RBFOX1: variants seen among roughly 807,000 people sequenced by gnomAD.
RBFOX1 encodes the protein RNA binding fox-1 homolog 1.
In RBFOX1, 8 loss-of-function variants were observed where a neutral mutation model predicts 57.7. That is an observed-to-expected ratio of 0.14 (90% CI 0.08 to 0.25). The LOEUF is 0.25. Among genes scored for constraint, RBFOX1 ranks in the 10% least tolerant of loss-of-function variants. The pLI is 1.00. For missense variants in RBFOX1, 611 were observed against 548.5 expected (o/e 1.11, Z -1.14); for synonymous variants, 326 against 222.4 (o/e 1.47, Z -4.15).
intron 2 of RBFOX1, among the ~76,000 whole-genome samples, chr16:6,617,527 G>C (rs1274224805): frequency 2.0e-5 from 3 of 152,080 alleles, no homozygotes; most frequent in Non-Finnish European, 4.4e-5. Flanking sequence ...ACCCTATAGA[G>C]ATGAGATCAA....
At chr16:6,163,735 G>A (rs577439423) in intron 1 of RBFOX1, among the ~76,000 whole-genome samples, 15 of 152,242 alleles carry the variant, frequency 9.9e-5, no homozygotes, top group Admixed American at 4.6e-4. Flanking sequence ...AAAAATGCCA[G>A]GTCAGTCTGA....
At chr16:7,387,114 C>G (rs2097897360) in intron 4 of RBFOX1, among the ~76,000 whole-genome samples, 1 of 152,038 alleles carries the variant, frequency 6.6e-6, no homozygotes, top group African/African-American at 2.4e-5. Flanking sequence ...TTTGTAGATT[C>G]TGGATATTAG....
At chr16:7,390,025 T>A (rs911479481) in intron 4 of RBFOX1, among the ~76,000 whole-genome samples, 1 of 152,096 alleles carries the variant, frequency 6.6e-6, no homozygotes, top group African/African-American at 2.4e-5. Flanking sequence ...AGGAAACTTA[T>A]AATCATGGCA....
intron 3 of RBFOX1, among the ~76,000 whole-genome samples, chr16:6,990,018 A>G (rs1234754218): frequency 6.6e-6 from 1 of 152,152 alleles, no homozygotes; most frequent in Non-Finnish European, 1.5e-5. Context: ...AAAACTGAGA[A>G]AATGTCTGCA....
intron 2 of RBFOX1, among the ~76,000 whole-genome samples, chr16:6,625,102 T>G (rs958131266): frequency 1.4e-4 from 19 of 137,118 alleles, no homozygotes; most frequent in Middle Eastern, 4.5e-3. Flanking sequence ...GAGGCAAAAG[T>G]TGCAGTGAGT....
chr16:6,836,569 T>G (rs1040515670), intron 3 of RBFOX1, among the ~76,000 whole-genome samples: 2 of 152,178 alleles, frequency 1.3e-5, no homozygotes, highest in Non-Finnish European at 2.9e-5. Flanking sequence ...CTTTTGTGCC[T>G]AGAGAAATCA....
chr16:6,929,614 C>A (rs62017712), intron 3 of RBFOX1, among the ~76,000 whole-genome samples: 156 of 152,138 alleles, frequency 1.0e-3, no homozygotes, highest in Non-Finnish European at 1.8e-3. Flanking sequence ...AAAAAAAGTC[C>A]CACCAAATTC....
At chr16:7,207,448 A>G (rs2090221832) in intron 4 of RBFOX1, among the ~76,000 whole-genome samples, 2 of 152,198 alleles carry the variant, frequency 1.3e-5, no homozygotes, top group Admixed American at 6.5e-5. Context: ...AAAACATAAC[A>G]TTTTATTAAA....
chr16:5,525,607 C>A (rs551324366), intron 2 of RBFOX1, among the ~76,000 whole-genome samples: 159 of 149,866 alleles, frequency 1.1e-3, no homozygotes, highest in African/African-American at 3.7e-3. Flanking sequence ...AAGCAATTCT[C>A]CTGCCTCAGC....
intron 2 of RBFOX1, among the ~76,000 whole-genome samples, chr16:6,435,102 G>A (rs555401177): frequency 1.1e-4 from 17 of 152,242 alleles, no homozygotes; most frequent in African/African-American, 3.9e-4. Context: ...TTAGTCAGTC[G>A]AAGTGTCTAG....
At chr16:7,062,047 G>A (rs1292341496) in intron 4 of RBFOX1, among the ~76,000 whole-genome samples, 3 of 152,080 alleles carry the variant, frequency 2.0e-5, no homozygotes. Flanking sequence ...GCCGGGTGTG[G>A]TGGCTCACAC....
At chr16:6,663,888 C>T (rs1236873616) in intron 3 of RBFOX1, among the ~76,000 whole-genome samples, 2 of 152,134 alleles carry the variant, frequency 1.3e-5, no homozygotes, top group African/African-American at 2.4e-5. Context: ...ACTGAATACA[C>T]GTCAGTGTAG....
chr16:6,584,340 C>T (rs1017972931), intron 2 of RBFOX1, among the ~76,000 whole-genome samples: 1 of 136,794 alleles, frequency 7.3e-6, no homozygotes, highest in Non-Finnish European at 1.6e-5. Flanking sequence ...GTTTTATTTT[C>T]ATTATTATTA....
chr16:5,716,808 G>C (rs2051718347), intron 3 of RBFOX1, among the ~76,000 whole-genome samples: 1 of 152,154 alleles, frequency 6.6e-6, no homozygotes, highest in African/African-American at 2.4e-5. Flanking sequence ...AGGAAGCTCA[G>C]CGACTTGTCC....
chr16:7,041,757 G>T (rs1385306419), intron 3 of RBFOX1, among the ~76,000 whole-genome samples: 1 of 152,214 alleles, frequency 6.6e-6, no homozygotes, highest in African/African-American at 2.4e-5. Context: ...TTGGACCCAA[G>T]TCATTTGACC....
intron 2 of RBFOX1, among the ~76,000 whole-genome samples, chr16:6,520,954 A>G (rs2096486658): frequency 2.0e-5 from 3 of 151,932 alleles, no homozygotes; most frequent in African/African-American, 7.2e-5. Flanking sequence ...GGGGAAAAAA[A>G]TAATTGCTTC....
At chr16:5,425,227 T>C (rs949745638) in intron 1 of RBFOX1, among the ~76,000 whole-genome samples, 2 of 151,800 alleles carry the variant, frequency 1.3e-5, no homozygotes, top group African/African-American at 2.4e-5. Flanking sequence ...TGCCTCAGCC[T>C]CCTGAGTAGC....
intron 2 of RBFOX1, among the ~76,000 whole-genome samples, chr16:6,324,979 C>A (rs2082210551): frequency 6.6e-6 from 1 of 152,178 alleles, no homozygotes; most frequent in Non-Finnish European, 1.5e-5. Context: ...TAAATCAGTA[C>A]AGACATTTTG....
intron 3 of RBFOX1, among the ~76,000 whole-genome samples, chr16:6,861,833 T>G (rs915774882): frequency 2.0e-5 from 3 of 149,880 alleles, no homozygotes; most frequent in African/African-American, 2.5e-5. Context: ...GTTTTTTTTT[T>G]TTTTTTTTTT....
Sources: gnomAD v4.1 joint callset for allele counts (sites outside exome capture counted in the v4.1 genomes callset) on GRCh38, gnomAD v4.1.1 for gene constraint, MANE v1.5 for transcripts, NCBI Gene and HGNC (gene_info 2026-07-23, HGNC 2026-07-21) for gene names.